The following TRPS1 variants were observed in gnomAD, a reference collection of about 807,000 sequenced individuals.
TRPS1 encodes zinc finger transcription factor Trps1.
A neutral mutation model predicts 101.2 loss-of-function variants in TRPS1; 6 were observed. That is an observed-to-expected ratio of 0.06 (90% CI 0.03 to 0.12). The LOEUF (loss-of-function observed/expected upper bound fraction) is 0.12. Among genes scored for constraint, TRPS1 ranks in the 10% least tolerant of loss-of-function variants. TRPS1 has a pLI of 1.00. For missense variants in TRPS1, 1,363 were observed against 1,567.0 expected, an observed-to-expected ratio of 0.87 and a Z score of 2.20; for synonymous variants, 578 against 589.8, an observed-to-expected ratio of 0.98 and a Z score of 0.29.
intron 5 of TRPS1, among the ~76,000 whole-genome samples, chr8:115,540,853 A>T (rs1427978048): frequency 6.6e-6 from 1 of 151,850 alleles, no homozygotes; most frequent in Non-Finnish European, 1.5e-5. Flanking sequence ...TACCCATGAA[A>T]ATTAAAAAGA....
At chr8:115,534,304 T>C (rs13252850) in intron 5 of TRPS1, among the ~76,000 whole-genome samples, 71,884 of 126,532 alleles carry the variant, frequency 0.57, 20,078 homozygotes, top group East Asian at 0.81. Context: ...ACACTGGAGA[T>C]TGAAGCTCTA....
chr8:115,632,317 A>G (rs898882029), intron 1 of TRPS1, among the ~76,000 whole-genome samples: 2 of 152,202 alleles, frequency 1.3e-5, no homozygotes, highest in South Asian at 2.1e-4. Flanking sequence ...ATACTATACA[A>G]GTAGCATAAT....
Position 115,604,113 on chromosome 8 carries a change from G to T in TRPS1, c.1856C>A (p.Ala619Glu), listed in dbSNP as rs750803049. ...ALLLLHLSPG[A>E]AGSSRVKHQC... The stretch of plus-strand genomic sequence containing the variant: ...ATGTTTGACTCGCGAGCTTCCAGCC[G>T]CCCCAGGAGACAAGTGCAGAAGCAA... Residue 619 changes from alanine to glutamate, a missense_variant, in exon 4 of 7, where the codon GCG becomes GAG. Physicochemically the swap from Ala to Glu is moderately radical, Grantham distance 107. This residue lies in a region of TRPS1 where 1,020 missense variants were observed against 1,073.0 expected (regional missense o/e 0.95). Transcript: ENST00000395715. This position sits in a 1 kb window ranked among gnomAD's most constrained non-coding sequence, Gnocchi z 4.1. The T allele has an allele frequency of 6.2e-7, 1 of 1,613,950 alleles. No individual in the cohort carries two copies. The highest frequency in any genetic ancestry group is 8.5e-7 in the Non-Finnish European group (1 of 1,180,004).
chr8:115,500,112 C>A (rs898288251), intron 5 of TRPS1, among the ~76,000 whole-genome samples: 1 of 152,040 alleles, frequency 6.6e-6, no homozygotes, highest in African/African-American at 2.4e-5. Context: ...TCACTGGAAC[C>A]TTTGCCTCCC....
chr8:115,418,172 C>G lies in TRPS1; in HGVS notation c.2823+158G>C, dbSNP rs1483166412. 6.6e-6 allele frequency among the ~76,000 whole-genome samples: 1 copy of G among 152,072 alleles called. No individual in the cohort carries two copies. The highest frequency in any genetic ancestry group is 2.4e-5 in the African/African-American group (1 of 41,406). ...ACCTATCTCCCCATCACATCTAAGC[C>G]CCCTTCACCATAAATCACATGTGCA... On this transcript the variant is annotated intron_variant, in intron 6 of 6. Transcript: ENST00000395715. The surrounding 1 kb of genome is among the most constrained non-coding windows in gnomAD (Gnocchi z 4.3).
At chr8:115,502,150 G>T (rs1815334291) in intron 5 of TRPS1, among the ~76,000 whole-genome samples, 1 of 152,032 alleles carries the variant, frequency 6.6e-6, no homozygotes, top group Non-Finnish European at 1.5e-5. Flanking sequence ...CTGCAGATTT[G>T]AATCGCCTTT....
intron 5 of TRPS1, among the ~76,000 whole-genome samples, chr8:115,546,190 T>C (rs1816565938): frequency 6.6e-6 from 1 of 151,694 alleles, no homozygotes; most frequent in Admixed American, 6.6e-5. Flanking sequence ...TATATATTTA[T>C]ATAATATGTA....
intron 5 of TRPS1, among the ~76,000 whole-genome samples, chr8:115,564,911 T>TTG (rs1817031398): frequency 6.6e-6 from 1 of 152,150 alleles, no homozygotes; most frequent in Non-Finnish European, 1.5e-5. Context: ...GGTTTATAAA[T>TTG]AATGGTACAT....
chr8:115,605,872 C>T (rs1330755555), intron 3 of TRPS1, among the ~76,000 whole-genome samples: 1 of 152,118 alleles, frequency 6.6e-6, no homozygotes, highest in Non-Finnish European at 1.5e-5. Context: ...CTTCAAAGGG[C>T]ACTTTGCATA....
At chr8:115,633,105 G>A (rs1286942938) in intron 1 of TRPS1, among the ~76,000 whole-genome samples, 1 of 152,082 alleles carries the variant, frequency 6.6e-6, no homozygotes, top group Non-Finnish European at 1.5e-5. Flanking sequence ...CCAATGGAGT[G>A]GAATGGGTCA....
rs1480431655 is a variant in TRPS1 at position 115,643,434 on chromosome 8, G to A, written c.-121-19676C>T. 2.0e-5 allele frequency among the ~76,000 whole-genome samples: 3 copies of A among 152,190 alleles called. No homozygotes were observed. The East Asian group carries it at 5.8e-4, about 29-fold the overall frequency. ...TTTTGTCATTTTGACAATGTTCACA[G>A]CATTTCCACCAGGAATAGCTTCCAT... is the stretch of plus-strand genomic sequence containing the variant. On this transcript the variant is annotated intron_variant, in intron 1 of 6. Transcript: ENST00000395715.
At chr8:115,473,451 T>G (rs1480111220) in intron 5 of TRPS1, among the ~76,000 whole-genome samples, 3 of 152,160 alleles carry the variant, frequency 2.0e-5, no homozygotes, top group African/African-American at 7.2e-5. Flanking sequence ...GACTTGGGGA[T>G]TATGGGAACT....
intron 1 of TRPS1, among the ~76,000 whole-genome samples, chr8:115,624,348 A>G (rs767295503): frequency 4.6e-5 from 7 of 151,964 alleles, no homozygotes; most frequent in African/African-American, 9.7e-5. Flanking sequence ...TTAAAGGAGA[A>G]CAGCAAAGCT....
At chr8:115,605,304 T>C (rs1818011914) in intron 3 of TRPS1, among the ~76,000 whole-genome samples, 1 of 152,178 alleles carries the variant, frequency 6.6e-6, no homozygotes, top group African/African-American at 2.4e-5. Context: ...AGAAAACAAT[T>C]TTCAACACAG....
At chr8:115,613,687 T>C (rs2130517194) in intron 3 of TRPS1, among the ~76,000 whole-genome samples, 1 of 152,334 alleles carries the variant, frequency 6.6e-6, no homozygotes, top group South Asian at 2.1e-4. Context: ...TAGTGTTTAC[T>C]TCTAGGGCTA....
chr8:115,619,210 G>A lies in TRPS1; in HGVS notation c.888C>T (p.Asn296=), dbSNP rs1818331263. The part of the protein sequence containing the change: ...FSHSKDFQKV[N]RSVFSGVLQD... ...GCAGCACACCAGAAAACACAGAACGGTTGACCTTCTGGAAGTCTTTGGAAT... is the reference window on the plus strand; with the variant it reads ...GCAGCACACCAGAAAACACAGAACGATTGACCTTCTGGAAGTCTTTGGAAT... The change falls in exon 3 of 7, where the codon AAC becomes AAT. Residue 296 remains asparagine, a synonymous_variant. Coordinates refer to ENST00000395715, the MANE Select transcript of TRPS1 (RefSeq NM_014112.5). 1 of 1,614,128 alleles carries A rather than the reference G, an allele frequency of 6.2e-7. No individual in the cohort carries two copies. Among genetic ancestry groups the A allele is most frequent in the East Asian group, 2.2e-5 (1 of 44,878 alleles).
chr8:115,425,760 A>T (rs1381407818), intron 5 of TRPS1, among the ~76,000 whole-genome samples: 1 of 152,184 alleles, frequency 6.6e-6, no homozygotes, highest in African/African-American at 2.4e-5. Context: ...CAGATATAAA[A>T]CCTATTACAC....
In TRPS1 at chr8:115,603,863, C is replaced by T. The variant is rs1209324275; in HGVS notation, c.2096+10G>A. The T allele has an allele frequency of 1.2e-6, 2 of 1,613,790 alleles. No individual in the cohort carries two copies. Among genetic ancestry groups the T allele is most frequent in the African/African-American group, 1.3e-5 (1 of 74,910 alleles). On this transcript the variant is annotated intron_variant, in intron 4 of 6. Transcript: ENST00000395715. ...GTATATTCCTCCCGACCCCACCCCCCATGCCTCACCTGTAGTGTCGGGAAA... is the reference window on the plus strand; with the variant it reads ...GTATATTCCTCCCGACCCCACCCCCTATGCCTCACCTGTAGTGTCGGGAAA...
intron 5 of TRPS1, among the ~76,000 whole-genome samples, chr8:115,570,279 C>T (rs1817169959): frequency 1.3e-5 from 2 of 151,962 alleles, no homozygotes; most frequent in African/African-American, 4.8e-5. Context: ...TAATAATTTA[C>T]TAATTCATCA....
Sources: allele counts gnomAD v4.1 joint callset (sites outside exome capture counted in the v4.1 genomes callset), GRCh38; gene constraint gnomAD v4.1.1; regional missense constraint gnomAD v4.1.1; non-coding constraint Gnocchi (gnomAD v3.1); transcripts MANE v1.5; gene names NCBI Gene and HGNC (gene_info 2026-07-23, HGNC 2026-07-21).